DMD: variants seen among roughly 807,000 people sequenced by gnomAD.
DMD encodes the protein mutant dystrophin.
In DMD, 63 loss-of-function variants were observed where a neutral mutation model predicts 330.1. The observed-to-expected ratio is 0.19, with a 90% CI of 0.16 to 0.24. DMD has a LOEUF of 0.24. Among genes scored for constraint, DMD ranks in the 10% least tolerant of loss-of-function variants. DMD has a pLI of 1.00. For missense variants in DMD, 3,344 were observed against 2,684.1 expected, an observed-to-expected ratio of 1.25 and a Z score of -5.43; for synonymous variants, 1,223 against 959.8, an observed-to-expected ratio of 1.27 and a Z score of -5.07.
intron 64 of DMD, among the ~76,000 whole-genome samples, chrX:31,215,379 C>G (rs972454179): frequency 2.7e-5 from 3 of 110,913 alleles, no homozygotes; most frequent in Non-Finnish European, 5.7e-5. Context: ...AAAACCTCCT[C>G]CTCCTTGAAA....
At chrX:31,584,270 C>G (rs897175399) in intron 55 of DMD, among the ~76,000 whole-genome samples, 5 of 109,497 alleles carry the variant, frequency 4.6e-5, no homozygotes, top group East Asian at 5.8e-4. Flanking sequence ...CGCCCCACCC[C>G]CCGACAGGCC....
At chrX:32,587,500 T>C (rs2054431535) in intron 13 of DMD, among the ~76,000 whole-genome samples, 1 of 112,107 alleles carries the variant, frequency 8.9e-6, no homozygotes, top group Non-Finnish European at 1.9e-5. Flanking sequence ...CAGATTGTTT[T>C]TTCTTATGAA....
At chrX:32,014,660 A>G (rs779279877) in intron 44 of DMD, among the ~76,000 whole-genome samples, 7 of 112,056 alleles carry the variant, frequency 6.2e-5, no homozygotes, top group Admixed American at 9.5e-5. Context: ...GAATCTTCAC[A>G]TAGTAAGTGT....
chrX:31,779,559 C>T (rs763711110), intron 50 of DMD, among the ~76,000 whole-genome samples: 13 of 112,072 alleles, frequency 1.2e-4, no homozygotes, highest in Non-Finnish European at 2.1e-4. Context: ...TTAAAGGTTC[C>T]TCCAGTAACA....
intron 1 of DMD, among the ~76,000 whole-genome samples, chrX:33,323,944 C>T (rs1046915885): frequency 9.0e-6 from 1 of 111,247 alleles, no homozygotes; most frequent in Non-Finnish European, 1.9e-5. Flanking sequence ...ATGACTGTTA[C>T]CAAGTCACGA....
chrX:32,688,344 T>C (rs909425314), intron 9 of DMD, among the ~76,000 whole-genome samples: 16 of 112,487 alleles, frequency 1.4e-4, no homozygotes, highest in African/African-American at 4.2e-4. Context: ...GGTAAAATTA[T>C]ATATCATCTC....
intron 43 of DMD, among the ~76,000 whole-genome samples, chrX:32,252,503 C>G (rs1403252407): frequency 9.9e-6 from 1 of 100,860 alleles, no homozygotes; most frequent in Admixed American, 1.2e-4. Context: ...GAGACAGGAT[C>G]AGAATTACTA....
In DMD at chrX:31,351,157, T is replaced by TACACACACACACACACAC. The variant is rs776501693; in HGVS notation, c.9085-2524_9085-2523insGTGTGTGTGTGTGTGTGT. Among the ~76,000 whole-genome samples the TACACACACACACACACAC allele has an allele frequency of 7.0e-3, 557 of 79,877 alleles. 8 individuals carry two copies. The highest frequency in any genetic ancestry group is 0.027 in the African/African-American group (516 of 19,343). 69.4% of individuals were successfully genotyped at this position (79,877 alleles called of 115,157 possible). ...ATTCACACACACATAGACATACATA[T>TACACACACACACACACAC]ATACACACACACACACACACACATA... On this transcript the variant is annotated intron_variant, in intron 60 of 78. Coordinates refer to ENST00000357033, the MANE Select transcript of DMD (RefSeq NM_004006.3).
At chrX:31,639,344 A>T (rs887288265) in intron 54 of DMD, among the ~76,000 whole-genome samples, 1 of 111,790 alleles carries the variant, frequency 8.9e-6, no homozygotes, top group African/African-American at 3.3e-5. Context: ...ATCCCACTGG[A>T]CATGCATGTA....
intron 44 of DMD, among the ~76,000 whole-genome samples, chrX:32,192,738 T>A (rs1342102470): frequency 8.9e-6 from 1 of 111,874 alleles, no homozygotes; most frequent in East Asian, 2.8e-4. Context: ...GGACTACAGA[T>A]AAGGCTTCTT....
At chrX:32,090,264 G>A (rs904677209) in intron 44 of DMD, among the ~76,000 whole-genome samples, 1 of 111,791 alleles carries the variant, frequency 8.9e-6, no homozygotes, top group Non-Finnish European at 1.9e-5. Context: ...AGTCCATTAG[G>A]AGGGGAGTTA....
At chrX:31,691,870 C>T (rs762249304) in intron 52 of DMD, among the ~76,000 whole-genome samples, 1 of 111,479 alleles carries the variant, frequency 9.0e-6, no homozygotes, top group South Asian at 3.7e-4. Flanking sequence ...AAGCAATAGA[C>T]AGAAAAATTC....
intron 55 of DMD, among the ~76,000 whole-genome samples, chrX:31,609,584 T>G (rs934899167): frequency 2.8e-4 from 31 of 111,892 alleles, no homozygotes; most frequent in African/African-American, 1.0e-3. Flanking sequence ...TCTCATCTCG[T>G]CTTTCAAATT....
At chrX:33,309,994 T>G (rs2053825177) in intron 1 of DMD, among the ~76,000 whole-genome samples, 1 of 110,887 alleles carries the variant, frequency 9.0e-6, no homozygotes, top group Non-Finnish European at 1.9e-5. Flanking sequence ...CAAGATGTAC[T>G]TTAGTGAAGA....
At chrX:32,621,325 C>T in intron 11 of DMD, among the ~76,000 whole-genome samples, 1 of 111,340 alleles carries the variant, frequency 9.0e-6, no homozygotes, top group African/African-American at 3.3e-5. Flanking sequence ...GTATCATAGC[C>T]TACCTTAATC....
chrX:32,767,307 T>C (rs1388845906), intron 7 of DMD, among the ~76,000 whole-genome samples: 1 of 111,396 alleles, frequency 9.0e-6, no homozygotes, highest in Non-Finnish European at 1.9e-5. Context: ...AAAATTTTCC[T>C]ATGCTATTTC....
chrX:33,037,282 G>T (rs2094220005), intron 1 of DMD, among the ~76,000 whole-genome samples: 1 of 110,220 alleles, frequency 9.1e-6, no homozygotes, highest in Admixed American at 9.7e-5. Context: ...ATGGGAAGTT[G>T]CTCTCCTTCC....
chrX:32,503,046 T>A (rs905482380), intron 18 of DMD, among the ~76,000 whole-genome samples: 5 of 112,191 alleles, frequency 4.5e-5, no homozygotes, highest in Admixed American at 9.5e-5. Context: ...AAAGGTTACA[T>A]GTGACCAGTG....
chrX:31,361,882 G>C (rs2058958398), intron 60 of DMD, among the ~76,000 whole-genome samples: 1 of 105,836 alleles, frequency 9.4e-6, no homozygotes, highest in Admixed American at 1.1e-4. Flanking sequence ...CAATTCTCCT[G>C]CCTCAGCCTC....
Sources: allele counts gnomAD v4.1 joint callset (sites outside exome capture counted in the v4.1 genomes callset), GRCh38; gene constraint gnomAD v4.1.1; transcripts MANE v1.5; gene names NCBI Gene and HGNC (gene_info 2026-07-23, HGNC 2026-07-21).